The following TJP2 variants were observed in gnomAD, a reference collection of about 807,000 sequenced individuals.
The protein encoded by TJP2 is Friedreich ataxia region gene X104 (tight junction protein ZO-2).
Under a neutral mutation model 133.1 loss-of-function variants are expected in TJP2, and 91 were observed. That is an observed-to-expected ratio of 0.68 (90% CI 0.58 to 0.81). The LOEUF is 0.81. TJP2 is among the 40% of genes least tolerant of loss of function. The probability of loss-of-function intolerance (pLI) is 0.00; values close to 1 mark genes in which losing one functional copy is unlikely to be tolerated. For synonymous variants in TJP2, 592 were observed against 583.4 expected, an observed-to-expected ratio of 1.01 and a Z score of -0.21; for missense variants, 1,541 against 1,565.6, an observed-to-expected ratio of 0.98 and a Z score of 0.26.
chr9:69,199,024 G>C (rs1826798042), intron 1 of TJP2, among the ~76,000 whole-genome samples: 1 of 152,168 alleles, frequency 6.6e-6, no homozygotes, highest in Non-Finnish European at 1.5e-5. Context: ...TTTGTTATTA[G>C]ACAGCTGTTT....
chr9:69,161,107 T>C (rs1824044225), intron 2 of TJP2, among the ~76,000 whole-genome samples: 1 of 152,148 alleles, frequency 6.6e-6, no homozygotes, highest in Non-Finnish European at 1.5e-5. Flanking sequence ...AAGTTAAGGT[T>C]GAACAAGGGG....
At chr9:69,165,475 A>G (rs9411192) in intron 2 of TJP2, among the ~76,000 whole-genome samples, 138,203 of 152,120 alleles carry the variant, frequency 0.91, 62,822 homozygotes, top group Middle Eastern at 0.94. Flanking sequence ...CCATGGGCAA[A>G]CTGCTTTCTC....
chr9:69,220,861 C>A, intron 4 of TJP2, 26 bp from the exon 5 acceptor site: 2 of 1,609,582 alleles, frequency 1.2e-6, no homozygotes, highest in Non-Finnish European at 1.7e-6. Context: ...TGTCCTGCGT[C>A]CACACTGAGT....
intron 3 of TJP2, 48 bp from the exon 4 acceptor site, chr9:69,218,209 T>C: frequency 1.4e-6 from 2 of 1,397,790 alleles, no homozygotes; most frequent in Non-Finnish European, 2.0e-6. Flanking sequence ...TAATTTACAA[T>C]GAATAGATGG....
chr9:69,133,736 A>G (rs892824038), intron 1 of TJP2, among the ~76,000 whole-genome samples: 1 of 151,602 alleles, frequency 6.6e-6, no homozygotes, highest in African/African-American at 2.4e-5. Context: ...TTTTTAGTAC[A>G]GACAGTGTTT....
chr9:69,214,878 A>AAC (rs1563918100), intron 2 of TJP2, among the ~76,000 whole-genome samples: 2 of 151,472 alleles, frequency 1.3e-5, no homozygotes, highest in African/African-American at 4.9e-5. Context: ...AAAAAAAAAA[A>AAC]AACAAACAAA....
intron 1 of TJP2, among the ~76,000 whole-genome samples, chr9:69,179,790 C>T (rs1003633913): frequency 1.4e-4 from 22 of 152,272 alleles, no homozygotes; most frequent in South Asian, 6.2e-4. Flanking sequence ...TGAGCCACCG[C>T]GCCCGGCTGA....
chr9:69,145,932 C>A (rs747850062), intron 1 of TJP2: 91 of 504,122 alleles, frequency 1.8e-4, no homozygotes, highest in Non-Finnish European at 2.6e-4. Context: ...TAAATGAGTT[C>A]TTCATTAAGA....
At chr9:69,231,610 C>T (rs552194654) in intron 11 of TJP2, among the ~76,000 whole-genome samples, 24 of 151,996 alleles carry the variant, frequency 1.6e-4, no homozygotes, top group Non-Finnish European at 2.9e-4. Context: ...CAGGTGGCCC[C>T]CTTCCTTCTT....
chr9:69,123,992 C>T lies in TJP2; in HGVS notation c.-131+2267C>T, dbSNP rs1266090663. Among the ~76,000 whole-genome samples the T allele has an allele frequency of 4.0e-5, 3 of 75,748 alleles. 1 individual carries two copies. The highest frequency in any genetic ancestry group is 1.2e-4 in the African/African-American group (3 of 24,804). 49.7% of individuals were successfully genotyped at this position (75,748 alleles called of 152,430 possible). ...ACGCCATTCTCCTGCCTCAGCCTCCCGAGTAGCTGGGACTATAGGCACCCG... is the reference window on the plus strand; with the variant it reads ...ACGCCATTCTCCTGCCTCAGCCTCCTGAGTAGCTGGGACTATAGGCACCCG... On this transcript the variant is annotated intron_variant, in intron 1 of 5. Transcript: ENST00000423935.
intron 7 of TJP2, among the ~76,000 whole-genome samples, chr9:69,227,209 T>TA (rs1490105899): frequency 2.0e-5 from 3 of 152,172 alleles, no homozygotes; most frequent in Non-Finnish European, 2.9e-5. Flanking sequence ...TGATGACTGT[T>TA]ACGGGTGCAG....
At chr9:69,161,214 A>ATGTGTGTGTGTGTGTGTGTGTGTG (rs111442939) in intron 2 of TJP2, among the ~76,000 whole-genome samples, 1 of 148,314 alleles carries the variant, frequency 6.7e-6, no homozygotes, top group Admixed American at 6.8e-5. Context: ...GTCATCAGTG[A>ATGTGTGTGTGTGTGTGTGTGTGTG]TGTGTGTGTG....
chr9:69,151,380 T>C (rs564329839), intron 1 of TJP2, among the ~76,000 whole-genome samples: 16 of 147,914 alleles, frequency 1.1e-4, no homozygotes, highest in African/African-American at 3.8e-4. Flanking sequence ...TTCCGGGAGG[T>C]TGAGGCAGGA....
In TJP2 at chr9:69,134,976, G is replaced by GGAGAGAGA. The variant is rs56216843; in HGVS notation, c.-131+13264_-131+13271dup. On this transcript the variant is annotated intron_variant, in intron 1 of 5. Transcript: ENST00000423935. The stretch of plus-strand genomic sequence containing the variant: ...AGAGAGAGAGAGAGAAGAGAGAAGA[G>GGAGAGAGA]GAGAGAGAGAGAGAGAGAGATCTGT... 1.3e-3 allele frequency among the ~76,000 whole-genome samples: 201 copies of GGAGAGAGA among 148,906 alleles called. 1 individual carries two copies. The highest frequency in any genetic ancestry group is 6.8e-3 in the Middle Eastern group (2 of 294).
chr9:69,214,008 A>C (rs1456569806), intron 2 of TJP2, among the ~76,000 whole-genome samples: 1 of 152,176 alleles, frequency 6.6e-6, no homozygotes, highest in African/African-American at 2.4e-5. Context: ...TCTCGGAGTA[A>C]ATTTTTATAT....
In TJP2 at chr9:69,122,769, G is replaced by A. The variant is rs538776930; in HGVS notation, c.-131+1044G>A. ...CTGTGGCTACTTCCCAGTCCCAGAG[G>A]TGGGCGAGTTCCGTAGGGAGGCCTC... On this transcript the variant is annotated intron_variant, in intron 1 of 5. Transcript: ENST00000423935. Among the ~76,000 whole-genome samples, 97 of 152,298 alleles carry A rather than the reference G, an allele frequency of 6.4e-4. 1 individual carries two copies. The highest frequency in any genetic ancestry group is 5.8e-3 in the Admixed American group (89 of 15,292).
In TJP2 at chr9:69,238,593, A is replaced by G. The variant is rs971839012; in HGVS notation, c.2276-117A>G. On this transcript the variant is annotated intron_variant, in intron 15 of 22. Coordinates refer to ENST00000377245, the MANE Select transcript of TJP2 (RefSeq NM_004817.4). ...AGGTTATGTGGGTCCTTCCCACTGA[A>G]TCTTGTTAGGAGACACTTAATGTCA... 3.6e-6 allele frequency: 3 copies of G among 826,884 alleles called. No homozygotes were observed. The African/African-American group carries it at 5.1e-5, about 14-fold the overall frequency. 51.2% of individuals were successfully genotyped at this position (826,884 alleles called of 1,614,324 possible). A position where few individuals can be genotyped will look rare whatever the true frequency, so the allele number is the denominator to read the frequency against.
chr9:69,254,620 T>C lies in TJP2; in HGVS notation c.*246T>C. 1.7e-6 allele frequency: 1 copy of C among 603,498 alleles called. No homozygotes were observed. Among genetic ancestry groups the C allele is most frequent in the Non-Finnish European group, 3.0e-6 (1 of 337,958 alleles). The allele number at this position is 603,498 out of a possible 1,614,324, so 37.4% of individuals were successfully genotyped here. A position where few individuals can be genotyped will look rare whatever the true frequency, so the allele number is the denominator to read the frequency against. Reference sequence around the variant, plus strand: ...TTCAGAATTAAGCAGAACACTGCAGTCAGATCCTGTTACTTGCTTCAGTGG... The same window carrying C: ...TTCAGAATTAAGCAGAACACTGCAGCCAGATCCTGTTACTTGCTTCAGTGG... On this transcript the variant is annotated 3_prime_UTR_variant, in exon 23 of 23. Transcript: ENST00000377245.
At chr9:69,251,431 G>C (rs897524296) in intron 21 of TJP2, 67 bp downstream of exon 21, 5 of 1,506,048 alleles carry the variant, frequency 3.3e-6, no homozygotes, top group African/African-American at 2.8e-5. Context: ...ACATAACAGC[G>C]AACAGCCCCT....
Sources: gnomAD v4.1 joint callset for allele counts (sites outside exome capture counted in the v4.1 genomes callset) on GRCh38, gnomAD v4.1.1 for gene constraint, MANE v1.5 for transcripts, NCBI Gene and HGNC (gene_info 2026-07-23, HGNC 2026-07-21) for gene names.